Variants in ZMIZ1 observed in about 807,000 individuals in gnomAD.
ZMIZ1 encodes the protein zinc finger MIZ-type containing 1.
Under a neutral mutation model 113.9 loss-of-function variants are expected in ZMIZ1, and 17 were observed. That is an observed-to-expected ratio of 0.15 (90% confidence interval 0.10 to 0.22). ZMIZ1 has a LOEUF of 0.22. ZMIZ1 is among the 10% of genes least tolerant of loss of function. The pLI is 1.00. For synonymous variants in ZMIZ1, 607 were observed against 603.1 expected (o/e 1.01, Z -0.09); for missense variants, 1,059 against 1,477.8 (o/e 0.72, Z 4.65).
At chr10:79,201,798 C>G (rs1848094434) in intron 5 of ZMIZ1, 106 bp downstream of exon 5, 1 of 1,226,368 alleles carries the variant, frequency 8.2e-7, no homozygotes, top group Non-Finnish European at 1.2e-6. Flanking sequence ...GGCCTCCTGA[C>G]CACCTACCTA....
chr10:79,179,735 T>C (rs971450753), intron 4 of ZMIZ1, among the ~76,000 whole-genome samples: 1 of 152,236 alleles, frequency 6.6e-6, no homozygotes, highest in Non-Finnish European at 1.5e-5. Context: ...CTCATGGAAA[T>C]GAAAAACACA....
intron 1 of ZMIZ1, among the ~76,000 whole-genome samples, chr10:79,100,507 G>A (rs1169216431): frequency 2.0e-5 from 3 of 151,966 alleles, no homozygotes; most frequent in Non-Finnish European, 2.9e-5. Context: ...AAGCCTGGGA[G>A]CTCAGTGGGG....
At chr10:79,274,150 CTT>C (rs1235882880) in intron 7 of ZMIZ1, among the ~76,000 whole-genome samples, 2 of 152,392 alleles carry the variant, frequency 1.3e-5, no homozygotes, top group East Asian at 3.9e-4. Context: ...AGAAGGCACT[CTT>C]GACCCTGCCT....
At chr10:79,285,000 AC>A (rs1396405703) in intron 8 of ZMIZ1, among the ~76,000 whole-genome samples, 1 of 151,234 alleles carries the variant, frequency 6.6e-6, no homozygotes, top group South Asian at 2.1e-4. Flanking sequence ...TTCCCCAAGA[AC>A]CCCCAGGAAG....
intron 7 of ZMIZ1, among the ~76,000 whole-genome samples, chr10:79,238,078 G>C (rs1201692533): frequency 6.6e-6 from 1 of 152,068 alleles, no homozygotes; most frequent in Non-Finnish European, 1.5e-5. Flanking sequence ...CTCCCCGCTC[G>C]GTAGCCTGGG....
intron 1 of ZMIZ1, among the ~76,000 whole-genome samples, chr10:79,085,969 A>G (rs1842800674): frequency 1.3e-5 from 2 of 152,210 alleles, no homozygotes; most frequent in East Asian, 1.9e-4. Flanking sequence ...TCTGCCACTC[A>G]TCAGCTTCCT....
chr10:79,282,479 C>T (rs778044557), intron 8 of ZMIZ1, among the ~76,000 whole-genome samples: 4 of 152,172 alleles, frequency 2.6e-5, no homozygotes, highest in South Asian at 2.1e-4. Flanking sequence ...CCCCGAGGGA[C>T]GGCAGACGCC....
At chr10:79,255,737 G>A (rs1024730553) in intron 7 of ZMIZ1, among the ~76,000 whole-genome samples, 3 of 151,824 alleles carry the variant, frequency 2.0e-5, no homozygotes, top group Non-Finnish European at 2.9e-5. Flanking sequence ...TCATTTTCCC[G>A]GGGCTCCAAC....
At chr10:79,281,194 C>T (rs892765711) in intron 8 of ZMIZ1, among the ~76,000 whole-genome samples, 1 of 152,098 alleles carries the variant, frequency 6.6e-6, no homozygotes, top group East Asian at 1.9e-4. Flanking sequence ...TGAGGTTGTT[C>T]GGTCCCGGGG....
intron 4 of ZMIZ1, among the ~76,000 whole-genome samples, chr10:79,165,966 G>GTCTGGGCTCTCCCTGCAGCTCAGC (rs1564692752): frequency 3.4e-5 from 5 of 146,578 alleles, no homozygotes; most frequent in African/African-American, 1.0e-4. Context: ...GTGTGTGTGT[G>GTCTGGGCTCTCCCTGCAGCTCAGC]TGTGTGTGTG....
intron 8 of ZMIZ1, among the ~76,000 whole-genome samples, chr10:79,287,469 G>A (rs1398679183): frequency 1.3e-5 from 2 of 152,220 alleles, no homozygotes; most frequent in Non-Finnish European, 2.9e-5. Context: ...CACGAGCAGC[G>A]CTCAGTTGGG....
At chr10:79,171,304 G>A (rs1459294706) in intron 4 of ZMIZ1, among the ~76,000 whole-genome samples, 1 of 152,220 alleles carries the variant, frequency 6.6e-6, no homozygotes, top group African/African-American at 2.4e-5. Context: ...CACTCCACCG[G>A]GGATGAGGCC....
At chr10:79,181,111 C>G (rs1438930123) in intron 4 of ZMIZ1, among the ~76,000 whole-genome samples, 1 of 152,202 alleles carries the variant, frequency 6.6e-6, no homozygotes, top group Non-Finnish European at 1.5e-5. Flanking sequence ...TGAGACGGAC[C>G]AAGAGTCAGT....
intron 1 of ZMIZ1, among the ~76,000 whole-genome samples, chr10:79,088,603 C>A (rs988974009): frequency 6.6e-6 from 1 of 152,192 alleles, no homozygotes; most frequent in Admixed American, 6.5e-5. Flanking sequence ...GGACTCGGCC[C>A]CTACAGGCTT....
intron 7 of ZMIZ1, among the ~76,000 whole-genome samples, chr10:79,271,750 A>T (rs751036779): frequency 6.6e-6 from 1 of 152,214 alleles, no homozygotes; most frequent in African/African-American, 2.4e-5. Context: ...TGCAAGTTCT[A>T]TAAGGAAAGA....
At chr10:79,222,359 C>T (rs1849012357) in intron 7 of ZMIZ1, among the ~76,000 whole-genome samples, 1 of 152,180 alleles carries the variant, frequency 6.6e-6, no homozygotes, top group Non-Finnish European at 1.5e-5. Context: ...CCCTCCCCAT[C>T]CTTCTCTATT....
intron 1 of ZMIZ1, among the ~76,000 whole-genome samples, chr10:79,073,997 C>T (rs1317835829): frequency 2.0e-5 from 3 of 152,154 alleles, no homozygotes; most frequent in East Asian, 1.9e-4. Context: ...AATAATTAAC[C>T]GCTACCAGCT....
intron 3 of ZMIZ1, among the ~76,000 whole-genome samples, chr10:79,140,219 C>T (rs896515577): frequency 6.6e-6 from 1 of 152,196 alleles, no homozygotes; most frequent in Non-Finnish European, 1.5e-5. Flanking sequence ...CAAAGCAGAC[C>T]TGGCTGGAGA....
At chr10:79,284,893 T>C (rs1231961925) in intron 8 of ZMIZ1, among the ~76,000 whole-genome samples, 1 of 152,214 alleles carries the variant, frequency 6.6e-6, no homozygotes, top group East Asian at 1.9e-4. Context: ...ATTTAGTGTA[T>C]AAAGAAATTC....
Sources: allele counts gnomAD v4.1 joint callset (sites outside exome capture counted in the v4.1 genomes callset), GRCh38; gene constraint gnomAD v4.1.1; transcripts MANE v1.5; gene names NCBI Gene and HGNC (gene_info 2026-07-23, HGNC 2026-07-21).